GLI2: variants seen among roughly 807,000 people sequenced by gnomAD.
GLI2 encodes the protein transcription activator GLI2.
A neutral mutation model predicts 78.9 loss-of-function variants in GLI2; 22 were observed. The ratio of observed to expected loss-of-function variants is 0.28; its 90% CI spans 0.20 to 0.40. The LOEUF is 0.40. Among genes scored for constraint, GLI2 ranks in the 10% least tolerant of loss-of-function variants. The pLI is 1.00. For missense variants in GLI2, 2,097 were observed against 2,213.2 expected (o/e 0.95, Z 1.05); for synonymous variants, 974 against 963.7 (o/e 1.01, Z -0.20).
At position 120,988,905 on chromosome 2, in the gene GLI2, G is replaced by C. The variant is rs1408994410; in HGVS notation, c.2940G>C (p.Pro980=). 2 of 1,510,286 alleles carry C rather than the reference G, an allele frequency of 1.3e-6. No individual in the cohort carries two copies. The highest frequency in any genetic ancestry group is 2.6e-5 in the East Asian group (1 of 37,942). 93.6% of individuals were successfully genotyped at this position (1,510,286 alleles called of 1,614,324 possible). Residue 980 remains proline (P), a synonymous_variant, in exon 14 of 14, where the codon CCG becomes CCC. Transcript: ENST00000361492. ...FHSTHNVNPG[P]LPPCADRRGL... is the part of the protein sequence containing the mutation. Reference sequence around the variant, plus strand: ...GCACCCACAACGTGAACCCCGGCCCGCTGCCGCCCTGTGCCGACAGGCGAG... The same window carrying C: ...GCACCCACAACGTGAACCCCGGCCCCCTGCCGCCCTGTGCCGACAGGCGAG...
intron 2 of GLI2, among the ~76,000 whole-genome samples, chr2:120,860,965 G>A (rs898789429): frequency 6.6e-5 from 10 of 152,212 alleles, no homozygotes; most frequent in East Asian, 3.8e-4. Flanking sequence ...ACACAGGAGT[G>A]TGCAATGGTG....
intron 2 of GLI2, among the ~76,000 whole-genome samples, chr2:120,841,742 G>C (rs965611965): frequency 2.0e-5 from 3 of 152,206 alleles, no homozygotes; most frequent in South Asian, 2.1e-4. Context: ...AGAGTATGGT[G>C]GGGGAGAGGC....
At chr2:120,794,415 GC>G (rs1197993765) in intron 1 of GLI2, among the ~76,000 whole-genome samples, 2 of 152,182 alleles carry the variant, frequency 1.3e-5, no homozygotes, top group African/African-American at 4.8e-5. Context: ...AGGCCAAGGG[GC>G]TCAGCAGGGG....
chr2:120,770,327 A>G (rs1683487168), intron 1 of GLI2, among the ~76,000 whole-genome samples: 1 of 152,022 alleles, frequency 6.6e-6, no homozygotes, highest in African/African-American at 2.4e-5. Flanking sequence ...CTACCCTTCC[A>G]TGCCCTGTGG....
In GLI2 at chr2:120,988,534, G is replaced by A. The variant is rs749232196; in HGVS notation, c.2569G>A (p.Gly857Ser). ...CTCGAGCGAGGCCAGCCAGTGCAGCGGCGGCTCCGGGCTGCTCAACCTCAC... is the reference window on the plus strand; with the variant it reads ...CTCGAGCGAGGCCAGCCAGTGCAGCAGCGGCTCCGGGCTGCTCAACCTCAC... ...RRSSEASQCS[G>S]GSGLLNLTPA... Residue 857 changes from glycine (G) to serine (S), a missense_variant, in exon 14 of 14, where the codon GGC becomes AGC. By Grantham distance (56) the Gly-to-Ser change is moderately conservative. Coordinates refer to ENST00000361492, the MANE Select transcript of GLI2 (RefSeq NM_001374353.1). The A allele has an allele frequency of 8.6e-6, 13 of 1,503,788 alleles. No individual in the cohort carries two copies. In the Admixed American group the frequency reaches 1.5e-4, roughly 17 times the overall value. 93.2% of individuals were successfully genotyped at this position (1,503,788 alleles called of 1,614,324 possible).
chr2:120,927,602 G>C, intron 3 of GLI2, 136 bp downstream of exon 3: 2 of 743,276 alleles, frequency 2.7e-6, no homozygotes, highest in Non-Finnish European at 4.9e-6. Context: ...CTGAGCGGGC[G>C]ATCACCTTTG....
rs1440401459 is a variant in GLI2 at position 120,978,601 on chromosome 2, C to T, written c.1467+18C>T. On this transcript the variant is annotated intron_variant, in intron 10 of 13. Transcript: ENST00000361492. The stretch of plus-strand genomic sequence containing the variant: ...AGTGCACGGTGAGTGGCCTTCTCCC[C>T]ACCCCCGCCGCAGCATCAAGACTGG... 1.9e-6 allele frequency: 3 copies of T among 1,600,764 alleles called. No homozygotes were observed. In the African/African-American group the frequency reaches 4.0e-5, roughly 21 times the overall value.
chr2:120,835,181 T>A (rs1261452860), intron 2 of GLI2, among the ~76,000 whole-genome samples: 1 of 152,164 alleles, frequency 6.6e-6, no homozygotes, highest in Non-Finnish European at 1.5e-5. Flanking sequence ...TTAGTGGCAT[T>A]GCTGTACTCA....
intron 2 of GLI2, among the ~76,000 whole-genome samples, chr2:120,804,347 C>A (rs1314511933): frequency 6.6e-6 from 1 of 152,154 alleles, no homozygotes; most frequent in Non-Finnish European, 1.5e-5. Flanking sequence ...ACCACTGTCC[C>A]CACATCCCCG....
At chr2:120,969,688 C>T (rs566135170) in intron 6 of GLI2, among the ~76,000 whole-genome samples, 3 of 152,356 alleles carry the variant, frequency 2.0e-5, no homozygotes, top group East Asian at 3.9e-4. Flanking sequence ...TTCATCCCGC[C>T]GAAGGCTTGA....
intron 2 of GLI2, among the ~76,000 whole-genome samples, chr2:120,898,658 C>T (rs1365653112): frequency 1.3e-5 from 2 of 152,108 alleles, no homozygotes; most frequent in Non-Finnish European, 2.9e-5. Flanking sequence ...ACAGCGTTTT[C>T]GGAGGATTCT....
chr2:120,955,275 T>C lies in GLI2; in HGVS notation c.488T>C (p.Leu163Pro), dbSNP rs746643815. Reference protein sequence around the residue: ...VAQEHLKERGLFGLPAPGTTP... With the variant: ...VAQEHLKERGPFGLPAPGTTP... Reference sequence around the variant, plus strand: ...CAGGAGCACCTTAAGGAGAGGGGACTGTTTGGCCTTCCTGCTCCAGGCACC... The same window carrying C: ...CAGGAGCACCTTAAGGAGAGGGGACCGTTTGGCCTTCCTGCTCCAGGCACC... The change falls in exon 5 of 14, where the codon CTG becomes CCG. Residue 163 changes from leucine to proline, a missense_variant. This residue lies in a region of GLI2 where 578 missense variants were observed against 612.0 expected (regional missense o/e 0.94). Transcript: ENST00000361492. 1 of 1,610,926 alleles carries C rather than the reference T, an allele frequency of 6.2e-7. No homozygotes were observed. Among genetic ancestry groups the C allele is most frequent in the East Asian group, 2.2e-5 (1 of 44,682 alleles).
At chr2:120,973,915 C>T (rs1031446089) in intron 8 of GLI2, among the ~76,000 whole-genome samples, 2 of 152,122 alleles carry the variant, frequency 1.3e-5, no homozygotes, top group African/African-American at 2.4e-5. Flanking sequence ...AGGGACTCAG[C>T]ATTAGGACTG....
intron 2 of GLI2, among the ~76,000 whole-genome samples, chr2:120,813,336 C>T (rs138365536): frequency 1.2e-3 from 188 of 152,302 alleles, no homozygotes; most frequent in Middle Eastern, 0.01. Context: ...AATCTTTTCC[C>T]GGAGGAGGTG....
intron 1 of GLI2, among the ~76,000 whole-genome samples, chr2:120,774,129 G>A (rs1036633206): frequency 3.9e-5 from 6 of 152,158 alleles, no homozygotes; most frequent in South Asian, 4.2e-4. Flanking sequence ...GGATGCGGCC[G>A]CCCTGCTGTC....
rs1573395073 is a variant in GLI2 at position 120,800,537 on chromosome 2, A to ACTT, written c.148+3070_148+3072dup. Among the ~76,000 whole-genome samples the ACTT allele has an allele frequency of 1.3e-5, 2 of 151,588 alleles. No individual in the cohort carries two copies. The highest frequency in any genetic ancestry group is 3.9e-4 in the East Asian group (2 of 5,158). On this transcript the variant is annotated intron_variant, in intron 2 of 13. Transcript: ENST00000361492. The surrounding 1 kb of genome is among the most constrained non-coding windows in gnomAD (Gnocchi z 4.1). ...TATTTATTTTTTTGAGACAGTCTTCACTTTGTCACACAGGCTGGAGTGCAG... is the reference window on the plus strand; with the variant it reads ...TATTTATTTTTTTGAGACAGTCTTCACTTCTTTGTCACACAGGCTGGAGTGCAG...
At chr2:120,951,148 C>A in intron 3 of GLI2, 95 bp from the exon 4 acceptor site, 1 of 786,622 alleles carries the variant, frequency 1.3e-6, no homozygotes, top group African/African-American at 1.7e-5. Flanking sequence ...GAAAGTCTTT[C>A]CAGGAGAGAC....
intron 2 of GLI2, among the ~76,000 whole-genome samples, chr2:120,873,630 G>A (rs1028791526): frequency 2.6e-5 from 4 of 152,276 alleles, no homozygotes; most frequent in South Asian, 2.1e-4. Context: ...AGGCAGTCTT[G>A]GGGATCCCCA....
chr2:120,827,722 C>T (rs765765899), intron 2 of GLI2, among the ~76,000 whole-genome samples: 23 of 152,272 alleles, frequency 1.5e-4, no homozygotes, highest in Middle Eastern at 6.8e-3. Context: ...GAAGGACATT[C>T]GGACACAGCA....
Sources: gnomAD v4.1 joint callset for allele counts (sites outside exome capture counted in the v4.1 genomes callset) on GRCh38, gnomAD v4.1.1 for gene constraint, gnomAD v4.1.1 regional missense constraint, Gnocchi (gnomAD v3.1) non-coding constraint, MANE v1.5 for transcripts, NCBI Gene and HGNC (gene_info 2026-07-23, HGNC 2026-07-21) for gene names.